EFCAB6: variants seen among roughly 807,000 people sequenced by gnomAD.
The protein encoded by EFCAB6 is EF-hand calcium-binding domain-containing protein 6.
In EFCAB6, 156 loss-of-function variants were observed where a neutral mutation model predicts 169.8. That is an observed-to-expected ratio of 0.92 (90% CI 0.81 to 1.05). The LOEUF (loss-of-function observed/expected upper bound fraction) is 1.05. Among genes scored for constraint, EFCAB6 ranks in the 50% least tolerant of loss-of-function variants. The pLI, the probability that EFCAB6 is intolerant of heterozygous loss-of-function variation, is 0.00. For synonymous variants in EFCAB6, 698 were observed against 676.4 expected (o/e 1.03, Z -0.50); for missense variants, 1,800 against 1,829.1 (o/e 0.98, Z 0.29).
At chr22:43,726,659 C>A (rs1244172695) in intron 8 of EFCAB6, among the ~76,000 whole-genome samples, 1 of 152,138 alleles carries the variant, frequency 6.6e-6, no homozygotes, top group Non-Finnish European at 1.5e-5. Flanking sequence ...GGCCAGAAGG[C>A]AAGGAAGGAA....
intron 24 of EFCAB6, 94 bp downstream of exon 24, chr22:43,589,980 G>C: frequency 6.8e-7 from 1 of 1,480,762 alleles, no homozygotes; most frequent in Non-Finnish European, 9.1e-7. Flanking sequence ...CATCTCAGAA[G>C]GCTGTTTGGG....
chr22:43,758,691 A>G (rs1171276614), intron 5 of EFCAB6, among the ~76,000 whole-genome samples: 1 of 152,186 alleles, frequency 6.6e-6, no homozygotes, highest in African/African-American at 2.4e-5. Context: ...CAGACCTTTC[A>G]TCTAGGATTA....
chr22:43,615,999 C>A, intron 20 of EFCAB6, 77 bp from the exon 21 acceptor site: 1 of 1,239,450 alleles, frequency 8.1e-7, no homozygotes, highest in South Asian at 1.4e-5. Context: ...TTTCCCTATC[C>A]CCCCTGTTTG....
chr22:43,781,676 C>T (rs1366261916), intron 3 of EFCAB6, among the ~76,000 whole-genome samples: 1 of 152,008 alleles, frequency 6.6e-6, no homozygotes, highest in East Asian at 1.9e-4. Flanking sequence ...ACAATCTCCA[C>T]CATCAAGAGT....
intron 28 of EFCAB6, 141 bp downstream of exon 28, chr22:43,539,986 T>C: frequency 1.2e-6 from 1 of 859,478 alleles, no homozygotes; most frequent in Non-Finnish European, 1.8e-6. Context: ...GTGGGATCCT[T>C]GCATGTGCCC....
At chr22:43,644,688 C>G (rs1296768132) in intron 17 of EFCAB6, among the ~76,000 whole-genome samples, 1 of 152,150 alleles carries the variant, frequency 6.6e-6, no homozygotes, top group East Asian at 1.9e-4. Context: ...CTGGCATGAT[C>G]ATGACAATGA....
At position 43,632,167 on chromosome 22, in the gene EFCAB6, G is replaced by A. The variant is rs559480390; in HGVS notation, c.2170C>T (p.His724Tyr). Residue 724 changes from histidine to tyrosine, a missense_variant, in exon 19 of 32, where the codon CAC (histidine) becomes TAC (tyrosine). Coordinates refer to ENST00000262726, the MANE Select transcript of EFCAB6 (RefSeq NM_022785.4). ...PTPSKSYVNS[H>Y]FITAEECLKL... ...AGGCATTCTTCTGCGGTGATAAAGTGGCTGTTCACGTAACTTTTTGAAGGA... is the reference window on the plus strand; with the variant it reads ...AGGCATTCTTCTGCGGTGATAAAGTAGCTGTTCACGTAACTTTTTGAAGGA... 6.2e-7 allele frequency: 1 copy of A among 1,614,218 alleles called. No homozygotes were observed. The highest frequency in any genetic ancestry group is 1.1e-5 in the South Asian group (1 of 91,088).
chr22:43,541,497 C>T (rs560113303), intron 27 of EFCAB6, among the ~76,000 whole-genome samples: 54 of 152,286 alleles, frequency 3.5e-4, no homozygotes, highest in African/African-American at 1.2e-3. Context: ...GTGAAAACAC[C>T]AAAACCAGGA....
intron 22 of EFCAB6, among the ~76,000 whole-genome samples, chr22:43,601,015 A>C (rs2052479581): frequency 6.6e-6 from 1 of 152,224 alleles, no homozygotes; most frequent in East Asian, 1.9e-4. Context: ...AATTATGCTA[A>C]GGTTTAGAAA....
intron 27 of EFCAB6, among the ~76,000 whole-genome samples, chr22:43,545,969 A>G (rs1310574911): frequency 2.0e-5 from 3 of 151,842 alleles, no homozygotes; most frequent in Non-Finnish European, 4.4e-5. Context: ...GCAAGTCACC[A>G]TAAACATGAG....
intron 10 of EFCAB6, among the ~76,000 whole-genome samples, chr22:43,703,260 A>G (rs1033448495): frequency 3.3e-5 from 5 of 152,352 alleles, no homozygotes; most frequent in Admixed American, 3.3e-4. Context: ...CCAACACAGT[A>G]GCCCAGCCAT....
chr22:43,735,633 G>A (rs183580266), intron 7 of EFCAB6, among the ~76,000 whole-genome samples: 186 of 152,290 alleles, frequency 1.2e-3, no homozygotes, highest in African/African-American at 4.3e-3. Flanking sequence ...CGGACCCCAA[G>A]GGTGCTTAAG....
intron 31 of EFCAB6, 81 bp from the exon 32 acceptor site, chr22:43,529,056 G>T: frequency 6.9e-7 from 1 of 1,445,770 alleles, no homozygotes; most frequent in Non-Finnish European, 9.3e-7. Context: ...AGGGGCTGGG[G>T]GACACATCCA....
intron 20 of EFCAB6, among the ~76,000 whole-genome samples, chr22:43,618,504 C>T (rs1250041330): frequency 6.6e-6 from 1 of 152,164 alleles, no homozygotes; most frequent in Non-Finnish European, 1.5e-5. Context: ...ACACAACTAT[C>T]TGAGGTAAAT....
At position 43,579,199 on chromosome 22, in the gene EFCAB6, C is replaced by T. The variant is rs188508369; in HGVS notation, c.3228+1265G>A. ...CATTCCATACACATAGGCATCATTC[C>T]GTACATGCAGGCATCATTCCCTACA... On this transcript the variant is annotated intron_variant, in intron 25 of 31. Coordinates refer to ENST00000262726, the MANE Select transcript of EFCAB6 (RefSeq NM_022785.4). Among the ~76,000 whole-genome samples, 115 of 150,530 alleles carry T rather than the reference C, an allele frequency of 7.6e-4. 1 individual carries two copies. The highest frequency in any genetic ancestry group is 2.7e-3 in the African/African-American group (110 of 40,754).
In EFCAB6 at chr22:43,770,956, A is replaced by T. The variant is rs547203559; in HGVS notation, c.351+1936T>A. 8.5e-4 allele frequency among the ~76,000 whole-genome samples: 129 copies of T among 152,218 alleles called. 1 individual carries two copies. Among genetic ancestry groups the T allele is most frequent in the Non-Finnish European group, 1.5e-3 (104 of 68,008 alleles). On this transcript the variant is annotated intron_variant, in intron 4 of 31. Transcript: ENST00000262726. ...AAAAAAAAGAGAGAGAGAGAGAGTC[A>T]GTCCTTGAAGTTAAGACTAGAATTT...
rs536081050 is a variant in EFCAB6 at position 43,617,164 on chromosome 22, C to T, written c.2466-1242G>A. Among the ~76,000 whole-genome samples, 25 of 152,342 alleles carry T rather than the reference C, an allele frequency of 1.6e-4. No homozygotes were observed. The South Asian group carries it at 5.2e-3, about 32-fold the overall frequency. On this transcript the variant is annotated intron_variant, in intron 20 of 31. Transcript: ENST00000262726. ...TCAACCAGCCAATCCCCTATGACTA[C>T]TTGACCATGCAAGCTTTGGAAAATT...
rs1375213328 is a variant in EFCAB6, at chr22:43,530,901, C to T, written c.4297G>A (p.Val1433Met). 6.2e-7 allele frequency: 1 copy of T among 1,614,218 alleles called. No homozygotes were observed. Among genetic ancestry groups the T allele is most frequent in the Admixed American group, 1.7e-5 (1 of 60,032 alleles). ...SALLRIQPKI[V>M]HCWRPMRRTF... Reference sequence around the variant, plus strand: ...CGCCGCATTGGCCTCCAGCAGTGCACAATTTTGGGCTGAATACGCAGCAGA... The same window carrying T: ...CGCCGCATTGGCCTCCAGCAGTGCATAATTTTGGGCTGAATACGCAGCAGA... Residue 1433 changes from valine (V) to methionine (M), a missense_variant, in exon 31 of 32, where the codon GTG (valine) becomes ATG (methionine). By Grantham distance (21) the Val-to-Met change is conservative (BLOSUM62 1). Transcript: ENST00000262726.
At chr22:43,616,344 C>T (rs1475714716) in intron 20 of EFCAB6, among the ~76,000 whole-genome samples, 2 of 152,204 alleles carry the variant, frequency 1.3e-5, no homozygotes, top group Admixed American at 6.5e-5. Context: ...AGTCTCAGCT[C>T]ATTTTCCAAG....
Sources: allele counts gnomAD v4.1 joint callset (sites outside exome capture counted in the v4.1 genomes callset), GRCh38; gene constraint gnomAD v4.1.1; transcripts MANE v1.5; gene names NCBI Gene and HGNC (gene_info 2026-07-23, HGNC 2026-07-21).